AGFG2: variants seen among roughly 807,000 people sequenced by gnomAD.
The protein encoded by AGFG2 is arf-GAP domain and FG repeat-containing protein 2.
AGFG2 carries 31 observed loss-of-function variants against 48.0 expected under a neutral mutation model. The observed-to-expected ratio is 0.65, with a 90% confidence interval of 0.49 to 0.87. The LOEUF is 0.87. AGFG2 is among the 40% of genes least tolerant of loss of function. The pLI is 0.00. For synonymous variants in AGFG2, 229 were observed against 260.8 expected (o/e 0.88, Z 1.18); for missense variants, 599 against 632.6 (o/e 0.95, Z 0.57).
intron 6 of AGFG2, chr7:100,555,963 G>A: frequency 4.0e-6 from 2 of 500,108 alleles, no homozygotes; most frequent in South Asian, 2.9e-5. Context: ...ATTGCAGCAG[G>A]AGCTGTGTGG....
intron 1 of AGFG2, among the ~76,000 whole-genome samples, chr7:100,541,607 A>G (rs1800422586): frequency 6.6e-6 from 1 of 152,066 alleles, no homozygotes; most frequent in African/African-American, 2.4e-5. Context: ...TACTAAAAAT[A>G]CAAAAATTAG....
intron 6 of AGFG2, among the ~76,000 whole-genome samples, chr7:100,561,041 G>T (rs1800859192): frequency 6.9e-6 from 1 of 145,092 alleles, no homozygotes; most frequent in African/African-American, 2.6e-5. Context: ...GGTTGGTCTT[G>T]ATCTCCTGAC....
chr7:100,554,294 G>T (rs761782755), intron 5 of AGFG2, 36 bp downstream of exon 5: 1 of 1,580,960 alleles, frequency 6.3e-7, no homozygotes, highest in East Asian at 2.2e-5. Flanking sequence ...TCCCTACAGC[G>T]TATATGCTTA....
At chr7:100,553,916 T>G (rs1176097428) in intron 4 of AGFG2, among the ~76,000 whole-genome samples, 177 bp from the exon 5 acceptor site, 1 of 152,150 alleles carries the variant, frequency 6.6e-6, no homozygotes, top group Non-Finnish European at 1.5e-5. Flanking sequence ...AAGATGAGGA[T>G]GATATGAGCT....
chr7:100,541,768 A>G (rs75839585), intron 1 of AGFG2, among the ~76,000 whole-genome samples: 2 of 127,428 alleles, frequency 1.6e-5, no homozygotes, highest in Non-Finnish European at 3.5e-5. Flanking sequence ...CTGTCTCACA[A>G]AAAAAAAAAA....
At chr7:100,560,259 A>G (rs1178194887) in intron 6 of AGFG2, among the ~76,000 whole-genome samples, 3 of 151,988 alleles carry the variant, frequency 2.0e-5, no homozygotes, top group African/African-American at 4.8e-5. Context: ...GCTCACTGCA[A>G]TCTTCCTCTT....
At chr7:100,551,885 CAAAAAAAA>C (rs59484677) in intron 3 of AGFG2, among the ~76,000 whole-genome samples, 473 of 16,848 alleles carry the variant, frequency 0.028, 4 homozygotes, top group Middle Eastern at 0.056. Context: ...GAGACTGTCT[CAAAAAAAA>C]AAAAAAAAAA....
At position 100,563,821 on chromosome 7, in the gene AGFG2, T is replaced by C; in HGVS notation, c.1172-13T>C. 6.2e-7 allele frequency: 1 copy of C among 1,610,776 alleles called. No individual in the cohort carries two copies. Among genetic ancestry groups the C allele is most frequent in the Non-Finnish European group, 8.5e-7 (1 of 1,179,912 alleles). Reference sequence around the variant, plus strand: ...CAGAAGTTCACCTGAGCCTCCCGTCTTTCACTCCATAGGGCCCGGCTTTGG... The same window carrying C: ...CAGAAGTTCACCTGAGCCTCCCGTCCTTCACTCCATAGGGCCCGGCTTTGG... On this transcript the variant is annotated splice_polypyrimidine_tract_variant and intron_variant, in intron 9 of 11. Coordinates refer to ENST00000300176, the MANE Select transcript of AGFG2 (RefSeq NM_006076.5).
intron 9 of AGFG2, 65 bp downstream of exon 9, chr7:100,563,011 A>C: frequency 6.9e-7 from 1 of 1,450,454 alleles, no homozygotes; most frequent in South Asian, 1.2e-5. Context: ...ATTACCCTGC[A>C]GCCTCTCCCT....
At chr7:100,552,170 G>T (rs1423382528) in intron 3 of AGFG2, among the ~76,000 whole-genome samples, 1 of 151,496 alleles carries the variant, frequency 6.6e-6, no homozygotes, top group Admixed American at 6.6e-5. Context: ...GCTTGAACCC[G>T]GGAGGCAGTG....
In AGFG2 at chr7:100,565,003, T is replaced by G. The variant is rs111765489; in HGVS notation, c.*12T>G. 2.1e-5 allele frequency: 34 copies of G among 1,613,888 alleles called. No individual in the cohort carries two copies. Among genetic ancestry groups the G allele is most frequent in the Non-Finnish European group, 2.7e-5 (32 of 1,179,854 alleles). On this transcript the variant is annotated 3_prime_UTR_variant, in exon 12 of 12. Transcript: ENST00000300176. ...ACCCCTTCTTGTAGCACTGTGTTTTTGGGGGGCCTCTTCCCTGCCTTCTGG... is the reference window on the plus strand; with the variant it reads ...ACCCCTTCTTGTAGCACTGTGTTTTGGGGGGGCCTCTTCCCTGCCTTCTGG...
intron 3 of AGFG2, among the ~76,000 whole-genome samples, chr7:100,550,831 A>G (rs1194164606): frequency 6.7e-6 from 1 of 148,474 alleles, no homozygotes; most frequent in Non-Finnish European, 1.5e-5. Context: ...CACACATCCT[A>G]TAGTTTTATT....
At chr7:100,549,604 T>C (rs1429248882) in intron 2 of AGFG2, among the ~76,000 whole-genome samples, 2 of 152,246 alleles carry the variant, frequency 1.3e-5, no homozygotes, top group Non-Finnish European at 2.9e-5. Context: ...TTATAAACTC[T>C]GCGAGGACAG....
chr7:100,557,162 C>T lies in AGFG2; in HGVS notation c.877+1427C>T, dbSNP rs1379952280. Among the ~76,000 whole-genome samples the T allele has an allele frequency of 2.0e-5, 3 of 151,026 alleles. No homozygotes were observed. The East Asian group carries it at 5.8e-4, about 29-fold the overall frequency. On this transcript the variant is annotated intron_variant, in intron 6 of 11. Coordinates refer to ENST00000300176, the MANE Select transcript of AGFG2 (RefSeq NM_006076.5). ...GCAGCGAGCCGAGATCCTGCCACTG[C>T]ACTCCAGCCTGAGTGACAGAGTAAG...
chr7:100,564,150 GC>G (rs879281930), intron 10 of AGFG2, 67 bp from the exon 11 acceptor site: 4 of 1,557,400 alleles, frequency 2.6e-6, no homozygotes, highest in African/African-American at 1.4e-5. Context: ...GTTTAGGAGG[GC>G]CCCCCTTGCT....
chr7:100,551,031 TA>T (rs1318496139), intron 3 of AGFG2, among the ~76,000 whole-genome samples: 15 of 8,636 alleles, frequency 1.7e-3, no homozygotes, highest in Admixed American at 6.6e-3. Flanking sequence ...CTGGCTAATT[TA>T]TATATATATA....
intron 6 of AGFG2, among the ~76,000 whole-genome samples, chr7:100,561,441 C>A (rs1800869665): frequency 6.6e-6 from 1 of 152,176 alleles, no homozygotes; most frequent in African/African-American, 2.4e-5. Context: ...AAGCCTCTTT[C>A]CATCTGGACC....
At chr7:100,540,279 CA>C (rs1800398613) in intron 1 of AGFG2, among the ~76,000 whole-genome samples, 1 of 152,156 alleles carries the variant, frequency 6.6e-6, no homozygotes, top group South Asian at 2.1e-4. Flanking sequence ...AGATGAGAGC[CA>C]ATGGGTTACC....
intron 3 of AGFG2, among the ~76,000 whole-genome samples, chr7:100,551,421 T>A (rs1442065702): frequency 1.3e-5 from 2 of 151,012 alleles, no homozygotes; most frequent in African/African-American, 4.9e-5. Flanking sequence ...CCCAGGCTGG[T>A]CTGAAACTCC....
Sources: allele counts gnomAD v4.1 joint callset (sites outside exome capture counted in the v4.1 genomes callset), GRCh38; gene constraint gnomAD v4.1.1; transcripts MANE v1.5; gene names NCBI Gene and HGNC (gene_info 2026-07-23, HGNC 2026-07-21).